Variants in TPM3 observed in about 807,000 individuals in gnomAD.
TPM3 encodes tropomyosin alpha-3 chain.
A neutral mutation model predicts 43.1 loss-of-function variants in TPM3; 16 were observed. The observed-to-expected ratio is 0.37, with a 90% confidence interval of 0.25 to 0.56. The LOEUF is 0.56. Ranked by LOEUF, TPM3 falls within the 20% of genes least tolerant of loss-of-function variation. The probability of loss-of-function intolerance (pLI) is 0.77; values close to 1 mark genes in which losing one functional copy is unlikely to be tolerated. For synonymous variants in TPM3, 101 were observed against 116.9 expected, an observed-to-expected ratio of 0.86 and a Z score of 0.88; for missense variants, 176 against 337.2, an observed-to-expected ratio of 0.52 and a Z score of 3.74.
Position 154,191,295 on chromosome 1 carries a change from G to A in TPM3, c.134C>T (p.Ala45Val), listed in dbSNP as rs1407215498. 1 of 1,613,932 alleles carries A rather than the reference G, an allele frequency of 6.2e-7. No homozygotes were observed. Among genetic ancestry groups the A allele is most frequent in the African/African-American group, 1.3e-5 (1 of 74,922 alleles). Residue 45 changes from alanine to valine, a missense_variant, in exon 2 of 10, where the codon GCA becomes GTA. Physicochemically the swap from Ala to Val is moderately conservative, Grantham distance 64 (BLOSUM62 0). Around this residue, in one of 4 missense-constraint regions of TPM3, gnomAD observed 82 missense variants for 148.8 expected, o/e 0.55. Transcript: ENST00000651641. ...ERSKQLEDEL[A>V]AMQKKLKGTE... ...CCCTTTCAGCTTCTTCTGCATGGCTGCCAGCTCATCCTCCAGCTATAGGAG... is the reference window on the plus strand; with the variant it reads ...CCCTTTCAGCTTCTTCTGCATGGCTACCAGCTCATCCTCCAGCTATAGGAG...
intron 3 of TPM3, 109 bp from the exon 4 acceptor site, chr1:154,173,310 C>A (rs991173982): frequency 1.1e-6 from 1 of 883,276 alleles, no homozygotes; most frequent in Non-Finnish European, 1.9e-6. Context: ...TCTCTGTCTG[C>A]CCCTCAAATG....
chr1:154,177,982 G>T, intron 2 of TPM3: 1 of 216,788 alleles, frequency 4.6e-6, no homozygotes, highest in Non-Finnish European at 7.9e-6. Flanking sequence ...CTCTGCTTCT[G>T]CCTCTTCCAG....
chr1:154,169,221 C>T, intron 9 of TPM3, 84 bp downstream of exon 9: 1 of 1,352,166 alleles, frequency 7.4e-7, no homozygotes, highest in South Asian at 1.2e-5. Context: ...AAGGATAAAA[C>T]CAAAGCACAC....
chr1:154,171,619 T>C, intron 5 of TPM3, 131 bp from the exon 6 acceptor site: 2 of 995,378 alleles, frequency 2.0e-6, no homozygotes, highest in South Asian at 1.4e-5. Context: ...GGAAGAGATG[T>C]TCCCAAGTAA....
In TPM3 at chr1:154,162,422, C is replaced by A. The variant is rs1660483163; in HGVS notation, c.*5515G>T. Among the ~76,000 whole-genome samples, 1 of 149,638 alleles carries A rather than the reference C, an allele frequency of 6.7e-6. No individual in the cohort carries two copies. Among genetic ancestry groups the A allele is most frequent in the South Asian group, 2.1e-4 (1 of 4,752 alleles). On this transcript the variant is annotated 3_prime_UTR_variant, in exon 10 of 10. Transcript: ENST00000651641. ...CCCATGGAGTTGGATAGTATTCAAC[C>A]AACACCATGTGAAAGGAAGAGATTT...
intron 2 of TPM3, chr1:154,183,851 CCTTTTT>C (rs1663247422): frequency 8.7e-6 from 1 of 115,002 alleles, no homozygotes; most frequent in South Asian, 2.8e-4. Flanking sequence ...AGACTTTTCT[CCTTTTT>C]TTTTTTTTTT....
intron 8 of TPM3, 64 bp from the exon 9 acceptor site, chr1:154,169,447 T>G: frequency 6.6e-7 from 1 of 1,518,702 alleles, no homozygotes; most frequent in Non-Finnish European, 9.1e-7. Flanking sequence ...CAGAAGCAGA[T>G]GAAGAGAGGG....
chr1:154,161,543 C>T (rs1014159967), downstream of TPM3, among the ~76,000 whole-genome samples: 1 of 146,634 alleles, frequency 6.8e-6, no homozygotes, highest in Non-Finnish European at 1.5e-5. Flanking sequence ...TCAAGCGATT[C>T]TCTCGCCTCA....
chr1:154,191,813 C>T, intron 1 of TPM3, 89 bp downstream of exon 1: 2 of 1,572,442 alleles, frequency 1.3e-6, no homozygotes, highest in Non-Finnish European at 1.7e-6. Flanking sequence ...GGAGGTGACA[C>T]CAGTAGTCAC....
rs1261318136 is a variant in TPM3, at chr1:154,174,407, T to TATATATATACACACAC, written c.378-1207_378-1206insGTGTGTGTATATATAT. On this transcript the variant is annotated intron_variant, in intron 3 of 9. Coordinates refer to ENST00000651641, the MANE Select transcript of TPM3 (RefSeq NM_152263.4). ...ATATATATATATATATATATATATA[T>TATATATATACACACAC]ACACACAAAAATCCCATCCCAGCTT... Among the ~76,000 whole-genome samples the TATATATATACACACAC allele has an allele frequency of 2.4e-3, 174 of 72,592 alleles. 1 individual carries two copies. The highest frequency in any genetic ancestry group is 5.6e-3 in the African/African-American group (112 of 19,916). The allele number at this position is 72,592 out of a possible 152,430, so 47.6% of individuals were successfully genotyped here.
At chr1:154,179,279 A>G (rs1458601249) in intron 2 of TPM3, among the ~76,000 whole-genome samples, 1 of 152,236 alleles carries the variant, frequency 6.6e-6, no homozygotes, top group African/African-American at 2.4e-5. Context: ...TCTGCCCCAC[A>G]GTAAACAAAG....
At chr1:154,175,417 G>A (rs902268582) in intron 3 of TPM3, among the ~76,000 whole-genome samples, 1 of 151,622 alleles carries the variant, frequency 6.6e-6, no homozygotes, top group African/African-American at 2.4e-5. Context: ...TAATGGAACT[G>A]GGATGAGATC....
chr1:154,176,653 G>GTAAA, intron 2 of TPM3, among the ~76,000 whole-genome samples: 1 of 129,030 alleles, frequency 7.8e-6, no homozygotes, highest in South Asian at 2.4e-4. Context: ...CATAAAGCAG[G>GTAAA]AAAAAAAAAA....
chr1:154,169,648 C>T, intron 8 of TPM3: 1 of 561,560 alleles, frequency 1.8e-6, no homozygotes, highest in Non-Finnish European at 3.2e-6. Flanking sequence ...ATTCCTATTA[C>T]CAAAAGCACT....
chr1:154,191,250 T>C lies in TPM3; in HGVS notation c.179A>G (p.Lys60Arg). 3 of 1,614,216 alleles carry C rather than the reference T, an allele frequency of 1.9e-6. No homozygotes were observed. The highest frequency in any genetic ancestry group is 2.5e-6 in the Non-Finnish European group (3 of 1,180,042). ...KLKGTEDELDKYSEALKDAQE... is the reference protein window; with the variant it reads ...KLKGTEDELDRYSEALKDAQE... ...GGCATCCTTCAAAGCTTCAGAATAC[T>C]TGTCCAGCTCATCCTCTGTCCCTTT... is the stretch of plus-strand genomic sequence containing the variant. The change falls in exon 2 of 10, where the codon AAG becomes AGG. Residue 60 changes from lysine (K) to arginine (R), a missense_variant. By Grantham distance (26) the Lys-to-Arg change is conservative. Around this residue, in one of 4 missense-constraint regions of TPM3, gnomAD observed 82 missense variants for 148.8 expected, o/e 0.55. Coordinates refer to ENST00000651641, the MANE Select transcript of TPM3 (RefSeq NM_152263.4).
chr1:154,171,942 T>C (rs1465246124), intron 5 of TPM3: 5 of 1,371,170 alleles, frequency 3.6e-6, no homozygotes, highest in Non-Finnish European at 5.2e-6. Flanking sequence ...CAAAATCAAG[T>C]GGAGGGGAGG....
At position 154,167,634 on chromosome 1, in the gene TPM3, T is replaced by G. The variant is rs555108967; in HGVS notation, c.*303A>C. 130 of 1,271,288 alleles carry G rather than the reference T, an allele frequency of 1.0e-4. No individual in the cohort carries two copies. In the East Asian group the frequency reaches 4.1e-3, roughly 40 times the overall value. The allele number at this position is 1,271,288 out of a possible 1,614,324, so 78.8% of individuals were successfully genotyped here. On this transcript the variant is annotated 3_prime_UTR_variant, in exon 10 of 10. Transcript: ENST00000651641. ...ACACACAAAAGTGGCTTTGATTACA[T>G]AAGTCAGAGGAGGGGGAGCCTACAA...
intron 2 of TPM3, among the ~76,000 whole-genome samples, chr1:154,179,141 T>C (rs1256385823): frequency 6.6e-6 from 1 of 152,218 alleles, no homozygotes; most frequent in African/African-American, 2.4e-5. Flanking sequence ...AAAGTTAGGC[T>C]TGAGCCCTGT....
chr1:154,159,062 GGA>G (rs1372012798), downstream of TPM3: 2 of 780,196 alleles, frequency 2.6e-6, no homozygotes, highest in Non-Finnish European at 4.8e-6. Flanking sequence ...CAGCAGCAAC[GGA>G]GAGGAGGGGA....
Sources: allele counts gnomAD v4.1 joint callset (sites outside exome capture counted in the v4.1 genomes callset), GRCh38; gene constraint gnomAD v4.1.1; regional missense constraint gnomAD v4.1.1; transcripts MANE v1.5; gene names NCBI Gene and HGNC (gene_info 2026-07-23, HGNC 2026-07-21).